FSTL4: variants seen among roughly 807,000 people sequenced by gnomAD.
FSTL4 encodes follistatin like 4, also known as follistatin-related protein 4.
Under a neutral mutation model 78.2 loss-of-function variants are expected in FSTL4, and 28 were observed. That is an observed-to-expected ratio of 0.36 (90% confidence interval 0.27 to 0.49). FSTL4 has a LOEUF of 0.49. Ranked by LOEUF, FSTL4 falls within the 20% of genes least tolerant of loss-of-function variation. FSTL4 has a pLI of 0.98. For missense variants in FSTL4, 922 were observed against 1,084.9 expected, an observed-to-expected ratio of 0.85 and a Z score of 2.11; for synonymous variants, 422 against 440.5, an observed-to-expected ratio of 0.96 and a Z score of 0.53.
intron 4 of FSTL4, among the ~76,000 whole-genome samples, chr5:133,395,254 C>T (rs148066519): frequency 6.6e-4 from 100 of 152,294 alleles, no homozygotes; most frequent in South Asian, 2.3e-3. Context: ...TTTGGGTCCG[C>T]ACTGCCTTAG....
intron 3 of FSTL4, among the ~76,000 whole-genome samples, chr5:133,511,036 G>A (rs937631751): frequency 6.6e-6 from 1 of 152,202 alleles, no homozygotes; most frequent in South Asian, 2.1e-4. Flanking sequence ...TCCAGCTCAA[G>A]GAGTTTTTGC....
intron 6 of FSTL4, among the ~76,000 whole-genome samples, chr5:133,299,941 A>C (rs1027869171): frequency 6.6e-6 from 1 of 152,186 alleles, no homozygotes; most frequent in Non-Finnish European, 1.5e-5. Context: ...GCTGCCTTTA[A>C]GGTGTGGCCA....
chr5:133,299,644 C>T (rs1453695389), intron 6 of FSTL4, among the ~76,000 whole-genome samples: 1 of 152,158 alleles, frequency 6.6e-6, no homozygotes, highest in African/African-American at 2.4e-5. Flanking sequence ...AGCCCACTGG[C>T]ATTCCTTTCC....
At chr5:133,292,677 G>T (rs1753293656) in intron 6 of FSTL4, among the ~76,000 whole-genome samples, 1 of 151,210 alleles carries the variant, frequency 6.6e-6, no homozygotes, top group African/African-American at 2.4e-5. Context: ...TTCACAGCTT[G>T]CTCTGTAGAG....
chr5:133,610,390 C>T (rs1274094819), intron 1 of FSTL4, among the ~76,000 whole-genome samples: 1 of 152,218 alleles, frequency 6.6e-6, no homozygotes, highest in African/African-American at 2.4e-5. Flanking sequence ...TCAAAGTGGA[C>T]TATTTTCTTA....
chr5:133,599,486 T>A (rs1326810422), intron 2 of FSTL4, among the ~76,000 whole-genome samples: 2 of 152,206 alleles, frequency 1.3e-5, no homozygotes, highest in Non-Finnish European at 2.9e-5. Context: ...ACCCATGGTG[T>A]CTGAGCTCAA....
intron 4 of FSTL4, among the ~76,000 whole-genome samples, chr5:133,349,546 TA>T (rs1483917803): frequency 8.6e-5 from 13 of 151,042 alleles, no homozygotes; most frequent in Admixed American, 8.6e-4. Flanking sequence ...CATGCGACTG[TA>T]AAGGACCCAT....
chr5:133,461,697 T>C (rs979020919), intron 3 of FSTL4, among the ~76,000 whole-genome samples: 3 of 152,252 alleles, frequency 2.0e-5, no homozygotes, highest in Non-Finnish European at 2.9e-5. Flanking sequence ...GGTTGGATGC[T>C]TCATCCTTAT....
At chr5:133,821,086 T>C in the FSTL4 span, among the ~76,000 whole-genome samples, 1 of 152,246 alleles carries the variant, frequency 6.6e-6, no homozygotes, top group Non-Finnish European at 1.5e-5. Context: ...TCATAGGCTG[T>C]TGCCAAGCTT....
the FSTL4 span, among the ~76,000 whole-genome samples, chr5:133,705,869 GCACA>G: frequency 3.3e-4 from 49 of 147,880 alleles, no homozygotes; most frequent in Middle Eastern, 3.4e-3. Flanking sequence ...ACACACACAC[GCACA>G]CACACACACA....
chr5:133,765,648 G>T, the FSTL4 span, among the ~76,000 whole-genome samples: 1 of 152,326 alleles, frequency 6.6e-6, no homozygotes, highest in South Asian at 2.1e-4. Flanking sequence ...GGCAGGAAGG[G>T]AGGAGAGGTG....
chr5:133,366,642 G>T (rs936431709), intron 4 of FSTL4, among the ~76,000 whole-genome samples: 5 of 151,872 alleles, frequency 3.3e-5, no homozygotes, highest in Non-Finnish European at 5.9e-5. Flanking sequence ...ACCCTCTGGT[G>T]ACTCAAGCAC....
At chr5:133,731,556 C>G in the FSTL4 span, among the ~76,000 whole-genome samples, 1 of 152,176 alleles carries the variant, frequency 6.6e-6, no homozygotes, top group Admixed American at 6.5e-5. Flanking sequence ...AGATGATAGG[C>G]TGGGAGTTTA....
chr5:133,230,518 C>T (rs543548380), intron 8 of FSTL4, among the ~76,000 whole-genome samples: 3 of 152,264 alleles, frequency 2.0e-5, no homozygotes, highest in South Asian at 4.1e-4. Context: ...TTAGCAGGGG[C>T]AAAAAGATGG....
chr5:133,705,852 C>T, the FSTL4 span, among the ~76,000 whole-genome samples: 1,272 of 136,852 alleles, frequency 9.3e-3, 6 homozygotes, highest in Non-Finnish European at 0.013. Flanking sequence ...CACACACACA[C>T]GCGCGCACAC....
Position 133,293,126 on chromosome 5 carries a change from G to A in FSTL4, c.727+19528C>T, listed in dbSNP as rs972246769. Among the ~76,000 whole-genome samples, 5 of 152,200 alleles carry A rather than the reference G, an allele frequency of 3.3e-5. No individual in the cohort carries two copies. In the South Asian group the frequency reaches 6.2e-4, roughly 19 times the overall value. On this transcript the variant is annotated intron_variant, in intron 6 of 15. Coordinates refer to ENST00000265342, the MANE Select transcript of FSTL4 (RefSeq NM_015082.2). ...TCCACAGGGCCTGACCCTGCCTTCCGGCACCCCCAGAGCTAAGAAGGAGAG... is the reference window on the plus strand; with the variant it reads ...TCCACAGGGCCTGACCCTGCCTTCCAGCACCCCCAGAGCTAAGAAGGAGAG...
chr5:133,711,734 G>A, the FSTL4 span, among the ~76,000 whole-genome samples: 1 of 152,148 alleles, frequency 6.6e-6, no homozygotes, highest in Admixed American at 6.5e-5. Flanking sequence ...AACCATGATC[G>A]CTGCCCCCTC....
the FSTL4 span, among the ~76,000 whole-genome samples, chr5:133,626,115 C>CAT: frequency 8.3e-4 from 7 of 8,440 alleles, 2 homozygotes; most frequent in African/African-American, 1.1e-3. Flanking sequence ...ATATATATTC[C>CAT]ATATATATAT....
In FSTL4 at chr5:133,425,227, TA is replaced by T. The variant is rs932837845; in HGVS notation, c.161-24242del. 1.0e-3 allele frequency among the ~76,000 whole-genome samples: 158 copies of T among 151,084 alleles called. 1 individual carries two copies. The highest frequency in any genetic ancestry group is 3.7e-3 in the African/African-American group (152 of 41,244). ...ACATTAAGATTTCTTCAAAGTGACC[TA>T]AAAAAAAAGGTACCTTAGCTAAGTC... On this transcript the variant is annotated intron_variant, in intron 3 of 15. Transcript: ENST00000265342.
Sources: allele counts gnomAD v4.1 joint callset (sites outside exome capture counted in the v4.1 genomes callset), GRCh38; gene constraint gnomAD v4.1.1; transcripts MANE v1.5; gene names NCBI Gene and HGNC (gene_info 2026-07-23, HGNC 2026-07-21).